Variants in CHCHD6 observed in about 807,000 individuals in gnomAD.
CHCHD6 encodes coiled-coil-helix-coiled-coil-helix domain containing 6.
Under a neutral mutation model 32.3 loss-of-function variants are expected in CHCHD6, and 28 were observed. The observed-to-expected ratio is 0.87, with a 90% CI of 0.64 to 1.19. The LOEUF (loss-of-function observed/expected upper bound fraction) is 1.19, where lower values mean the gene tolerates loss of function less well. Among genes scored for constraint, CHCHD6 ranks in the 50% most tolerant of loss-of-function variants. The pLI, the probability that CHCHD6 is intolerant of heterozygous loss-of-function variation, is 0.00. For missense variants in CHCHD6, 333 were observed against 307.0 expected, an observed-to-expected ratio of 1.08 and a Z score of -0.63; for synonymous variants, 122 against 117.5, an observed-to-expected ratio of 1.04 and a Z score of -0.25.
chr3:126,719,874 G>A (rs562204724), intron 1 of CHCHD6, among the ~76,000 whole-genome samples: 2 of 150,882 alleles, frequency 1.3e-5, no homozygotes, highest in African/African-American at 2.4e-5. Context: ...TGCACTATCA[G>A]AGTCTTCTTT....
At chr3:126,946,004 C>T (rs191598899) in intron 6 of CHCHD6, among the ~76,000 whole-genome samples, 11 of 152,126 alleles carry the variant, frequency 7.2e-5, no homozygotes, top group Admixed American at 2.0e-4. Flanking sequence ...TTGTTGAGGA[C>T]CCAGTGCTGA....
chr3:126,849,286 C>T (rs942388134), intron 4 of CHCHD6, among the ~76,000 whole-genome samples: 5 of 152,266 alleles, frequency 3.3e-5, no homozygotes, highest in Admixed American at 2.0e-4. Context: ...CTGCCTCTGC[C>T]TGCTCCAGAC....
chr3:126,741,913 T>C (rs1305800873), intron 4 of CHCHD6, among the ~76,000 whole-genome samples: 1 of 152,234 alleles, frequency 6.6e-6, no homozygotes, highest in Non-Finnish European at 1.5e-5. Flanking sequence ...CAGGTGATTC[T>C]GATCGCTTCC....
intron 4 of CHCHD6, among the ~76,000 whole-genome samples, chr3:126,743,036 G>A (rs979180812): frequency 1.3e-5 from 2 of 152,160 alleles, no homozygotes; most frequent in Non-Finnish European, 2.9e-5. Context: ...ATCAGGACAA[G>A]CTGGCCTGTG....
At chr3:126,865,749 T>C in intron 5 of CHCHD6, 1 of 984,200 alleles carries the variant, frequency 1.0e-6, no homozygotes, top group Non-Finnish European at 1.2e-6. Context: ...GTATGTTTGC[T>C]AAAGATGTGT....
At chr3:126,752,344 G>C (rs923552005) in intron 4 of CHCHD6, among the ~76,000 whole-genome samples, 1 of 152,194 alleles carries the variant, frequency 6.6e-6, no homozygotes, top group Non-Finnish European at 1.5e-5. Context: ...CAGGACTCTG[G>C]TCACAGCAGC....
At chr3:126,778,278 A>G (rs932356127) in intron 4 of CHCHD6, among the ~76,000 whole-genome samples, 1 of 152,172 alleles carries the variant, frequency 6.6e-6, no homozygotes, top group Admixed American at 6.5e-5. Context: ...CCTGTTGGTT[A>G]TATACTTTGC....
intron 5 of CHCHD6, among the ~76,000 whole-genome samples, chr3:126,874,947 G>A (rs984271563): frequency 1.3e-5 from 2 of 152,300 alleles, no homozygotes; most frequent in South Asian, 2.1e-4. Flanking sequence ...GCCTTGGGGT[G>A]CACTTGGTAC....
chr3:126,909,969 A>G (rs769315220), intron 5 of CHCHD6, among the ~76,000 whole-genome samples: 5 of 152,244 alleles, frequency 3.3e-5, no homozygotes, highest in Non-Finnish European at 7.3e-5. Context: ...CACAGCTGCC[A>G]GAATGTTCTT....
At chr3:126,800,951 A>C (rs929812302) in intron 4 of CHCHD6, among the ~76,000 whole-genome samples, 3 of 152,250 alleles carry the variant, frequency 2.0e-5, no homozygotes, top group African/African-American at 7.2e-5. Context: ...CCATAGAAAC[A>C]GACCTTGCAA....
chr3:126,940,286 C>T (rs879936855), intron 6 of CHCHD6, among the ~76,000 whole-genome samples: 5 of 152,210 alleles, frequency 3.3e-5, no homozygotes, highest in African/African-American at 7.2e-5. Context: ...ATAAATGAGA[C>T]CATGAGTTTG....
chr3:126,854,123 C>A (rs548526130), intron 5 of CHCHD6, among the ~76,000 whole-genome samples: 5 of 152,130 alleles, frequency 3.3e-5, no homozygotes, highest in Admixed American at 3.3e-4. Context: ...TCATCTCTAC[C>A]CTAGTTCTCC....
At chr3:126,707,139 C>T (rs144445208) in intron 1 of CHCHD6, among the ~76,000 whole-genome samples, 2 of 152,016 alleles carry the variant, frequency 1.3e-5, no homozygotes, top group African/African-American at 4.8e-5. Flanking sequence ...TGGTGGCACA[C>T]ACCTGTACAC....
intron 4 of CHCHD6, among the ~76,000 whole-genome samples, chr3:126,811,321 G>C (rs1939644941): frequency 6.6e-6 from 1 of 152,216 alleles, no homozygotes; most frequent in African/African-American, 2.4e-5. Flanking sequence ...GGTCACTTCA[G>C]CTTCAGCTGA....
At chr3:126,875,414 C>T (rs1327875301) in intron 5 of CHCHD6, among the ~76,000 whole-genome samples, 1 of 152,234 alleles carries the variant, frequency 6.6e-6, no homozygotes, top group Non-Finnish European at 1.5e-5. Context: ...ACATGGAGAG[C>T]TGGCACGTAG....
At chr3:126,825,418 A>G (rs767580241) in intron 4 of CHCHD6, among the ~76,000 whole-genome samples, 110 of 152,286 alleles carry the variant, frequency 7.2e-4, no homozygotes, top group Non-Finnish European at 2.9e-4. Context: ...TGTTCTGTAT[A>G]TGTCAATTCG....
intron 4 of CHCHD6, among the ~76,000 whole-genome samples, chr3:126,805,622 C>G (rs1474934106): frequency 6.6e-6 from 1 of 152,156 alleles, no homozygotes; most frequent in Non-Finnish European, 1.5e-5. Context: ...AATGGCCATA[C>G]TGCCCAAGGT....
At chr3:126,847,337 C>T (rs1305101649) in intron 4 of CHCHD6, among the ~76,000 whole-genome samples, 2 of 152,152 alleles carry the variant, frequency 1.3e-5, no homozygotes, top group Non-Finnish European at 2.9e-5. Flanking sequence ...GGCCTCCGGT[C>T]CTCACTGGCT....
intron 5 of CHCHD6, among the ~76,000 whole-genome samples, chr3:126,888,694 G>C (rs543030981): frequency 5.9e-5 from 9 of 152,196 alleles, no homozygotes; most frequent in Non-Finnish European, 7.3e-5. Context: ...AGACAGGAAG[G>C]GATGGTGGAG....
Sources: allele counts gnomAD v4.1 joint callset (sites outside exome capture counted in the v4.1 genomes callset), GRCh38; gene constraint gnomAD v4.1.1; transcripts MANE v1.5; gene names NCBI Gene and HGNC (gene_info 2026-07-23, HGNC 2026-07-21).